ABL1: variants seen among roughly 807,000 people sequenced by gnomAD.
ABL1 encodes the protein tyrosine-protein kinase ABL1.
ABL1 carries 11 observed loss-of-function variants against 94.7 expected under a neutral mutation model. The ratio of observed to expected loss-of-function variants is 0.12; its 90% CI spans 0.07 to 0.19. The LOEUF (loss-of-function observed/expected upper bound fraction) is 0.19, where lower values mean the gene tolerates loss of function less well. Ranked by LOEUF, ABL1 falls within the 10% of genes least tolerant of loss-of-function variation. ABL1 has a pLI of 1.00. For synonymous variants in ABL1, 656 were observed against 622.4 expected (o/e 1.05, Z -0.80); for missense variants, 1,082 against 1,489.4 (o/e 0.73, Z 4.50).
At chr9:130,871,980 T>G in intron 4 of ABL1, 149 bp from the exon 5 acceptor site, 2 of 645,870 alleles carry the variant, frequency 3.1e-6, no homozygotes, top group South Asian at 4.0e-5. Context: ...TCAGCTGTCA[T>G]GGAACCTGTC....
Position 130,866,285 on chromosome 9 carries a change from C to G in ABL1, c.822+3250C>G, listed in dbSNP as rs564744195. ...TCAGCTCTTCTTTTTTAAAATTGAA[C>G]CCAGATTCTTATTTCTCAAATACCA... On this transcript the variant is annotated intron_variant, in intron 4 of 10. Coordinates refer to ENST00000318560, the MANE Select transcript of ABL1 (RefSeq NM_005157.6). Among the ~76,000 whole-genome samples the G allele has an allele frequency of 2.3e-3, 352 of 152,202 alleles. 1 individual carries two copies. The highest frequency in any genetic ancestry group is 0.017 in the Middle Eastern group (5 of 294).
At position 130,885,689 on chromosome 9, in the gene ABL1, G is replaced by T; in HGVS notation, c.*6G>T. 6.2e-7 allele frequency: 1 copy of T among 1,604,512 alleles called. No individual in the cohort carries two copies. The highest frequency in any genetic ancestry group is 8.5e-7 in the Non-Finnish European group (1 of 1,174,586). ...GTGACATAGTGCAGAGGTAGCAGCAGTCAGGGGTCAGGTGTCAGGCCCGTC... is the reference window on the plus strand; with the variant it reads ...GTGACATAGTGCAGAGGTAGCAGCATTCAGGGGTCAGGTGTCAGGCCCGTC... On this transcript the variant is annotated 3_prime_UTR_variant, in exon 11 of 11. Coordinates refer to ENST00000318560, the MANE Select transcript of ABL1 (RefSeq NM_005157.6).
chr9:130,717,863 A>AT (rs1489816303), intron 1 of ABL1, among the ~76,000 whole-genome samples: 2 of 152,048 alleles, frequency 1.3e-5, no homozygotes, highest in Non-Finnish European at 2.9e-5. Context: ...AAAGTAAAAA[A>AT]TTAGCCGGGC....
intron 1 of ABL1, among the ~76,000 whole-genome samples, chr9:130,764,617 T>C (rs961144914): frequency 6.6e-6 from 1 of 152,198 alleles, no homozygotes; most frequent in African/African-American, 2.4e-5. Flanking sequence ...TGTTGTGTTT[T>C]GGGTCCCTGA....
Position 130,874,930 on chromosome 9 carries a change from G to C in ABL1, c.1148G>C (p.Gly383Ala), listed in dbSNP as rs754547923. The C allele has an allele frequency of 6.2e-7, 1 of 1,614,150 alleles. No homozygotes were observed. Among genetic ancestry groups the C allele is most frequent in the Non-Finnish European group, 8.5e-7 (1 of 1,180,034 alleles). Residue 383 changes from glycine (G) to alanine (A), a missense_variant, in exon 7 of 11, where the codon GGC becomes GCC. Gly to Ala is a moderately conservative substitution (Grantham distance 60, BLOSUM62 0). Coordinates refer to ENST00000318560, the MANE Select transcript of ABL1 (RefSeq NM_005157.6). ...CACTTGGTGAAGGTAGCTGATTTTG[G>C]CCTGAGCAGGTTGATGACAGGGGAC... ...ENHLVKVADF[G>A]LSRLMTGDTY...
intron 1 of ABL1, among the ~76,000 whole-genome samples, chr9:130,716,047 T>C (rs1392777504): frequency 3.4e-5 from 5 of 149,172 alleles, no homozygotes; most frequent in African/African-American, 1.2e-4. Flanking sequence ...CACACATATA[T>C]ATCCACTTTT....
intron 1 of ABL1, among the ~76,000 whole-genome samples, chr9:130,735,961 A>ATATATATATATATATATATAT (rs573602038): frequency 1.1e-5 from 1 of 94,886 alleles, no homozygotes; most frequent in African/African-American, 6.4e-5. Context: ...ATATATATAT[A>ATATATATATATATATATATAT]TTTTTTTTTT....
intron 1 of ABL1, among the ~76,000 whole-genome samples, chr9:130,815,744 G>A (rs556813543): frequency 2.0e-5 from 3 of 152,114 alleles, no homozygotes; most frequent in East Asian, 1.9e-4. Flanking sequence ...ACCAGAGGCC[G>A]GGTGCAGTGG....
chr9:130,848,257 T>C (rs1821927423), intron 1 of ABL1, among the ~76,000 whole-genome samples: 1 of 151,310 alleles, frequency 6.6e-6, no homozygotes, highest in Non-Finnish European at 1.5e-5. Context: ...TCCCAGCACT[T>C]TGGGAGGCTG....
At chr9:130,794,860 A>G (rs1829953999) in intron 1 of ABL1, among the ~76,000 whole-genome samples, 1 of 152,208 alleles carries the variant, frequency 6.6e-6, no homozygotes, top group African/African-American at 2.4e-5. Context: ...CTTTTTAGAC[A>G]TGACAAAAGT....
chr9:130,842,654 C>T (rs1308553803), intron 1 of ABL1, among the ~76,000 whole-genome samples: 1 of 152,204 alleles, frequency 6.6e-6, no homozygotes, highest in Non-Finnish European at 1.5e-5. Flanking sequence ...CCTCTGGTGT[C>T]AGCTGACCCC....
intron 1 of ABL1, among the ~76,000 whole-genome samples, chr9:130,800,780 T>C (rs180923280): frequency 2.0e-5 from 3 of 152,318 alleles, no homozygotes; most frequent in Admixed American, 1.3e-4. Context: ...TCACAATTTA[T>C]CCATTTTACT....
At chr9:130,734,706 GA>G (rs1249350751) in intron 1 of ABL1, among the ~76,000 whole-genome samples, 2 of 151,798 alleles carry the variant, frequency 1.3e-5, no homozygotes, top group Non-Finnish European at 2.9e-5. Context: ...ATTTTTAGTA[GA>G]GACAGAGTTT....
At position 130,744,527 on chromosome 9, in the gene ABL1, G is replaced by A. The variant is rs370378688; in HGVS notation, c.136+30072G>A. On this transcript the variant is annotated intron_variant, in intron 1 of 10. Transcript: ENST00000372348. ...TTTGAGTAATAGTTTGCTTTTATAAGCCAGAATTTGTTCTACACATAGAAG... is the reference window on the plus strand; with the variant it reads ...TTTGAGTAATAGTTTGCTTTTATAAACCAGAATTTGTTCTACACATAGAAG... Among the ~76,000 whole-genome samples, 49 of 151,318 alleles carry A rather than the reference G, an allele frequency of 3.2e-4. 1 individual carries two copies. Among genetic ancestry groups the A allele is most frequent in the African/African-American group, 1.2e-3 (49 of 41,332 alleles).
chr9:130,737,213 C>T (rs1378844546), intron 1 of ABL1, among the ~76,000 whole-genome samples: 1 of 152,002 alleles, frequency 6.6e-6, no homozygotes, highest in African/African-American at 2.4e-5. Flanking sequence ...GGTGTGCAGG[C>T]ATCTTCTTTT....
chr9:130,869,823 T>C (rs1010563685), intron 4 of ABL1, among the ~76,000 whole-genome samples: 4 of 152,098 alleles, frequency 2.6e-5, no homozygotes, highest in Admixed American at 2.6e-4. Flanking sequence ...TTTGTTGTTG[T>C]TGTTTTGGTT....
intron 1 of ABL1, among the ~76,000 whole-genome samples, chr9:130,744,235 C>T (rs553185716): frequency 4.6e-5 from 7 of 151,904 alleles, no homozygotes; most frequent in African/African-American, 1.2e-4. Context: ...CTCTGCCTCC[C>T]GGGTTCAAGA....
Position 130,841,539 on chromosome 9 carries a change from C to T in ABL1, c.79+6014C>T, listed in dbSNP as rs191196178. ...TAGAAATTGGTTTTCAGGCCGGGCG[C>T]GGTGGCTGACGCCTGTAATCCCAGC... On this transcript the variant is annotated intron_variant, in intron 1 of 10. Transcript: ENST00000318560. Among the ~76,000 whole-genome samples the T allele has an allele frequency of 3.1e-3, 466 of 149,178 alleles. 3 individuals are homozygous for T. The highest frequency in any genetic ancestry group is 0.011 in the African/African-American group (449 of 40,870).
chr9:130,829,309 G>A (rs1051812505), intron 1 of ABL1, among the ~76,000 whole-genome samples: 11 of 151,956 alleles, frequency 7.2e-5, no homozygotes, highest in Non-Finnish European at 1.0e-4. Context: ...ACCTGTAATC[G>A]CAGCACTTTG....
Sources: allele counts gnomAD v4.1 joint callset (sites outside exome capture counted in the v4.1 genomes callset), GRCh38; gene constraint gnomAD v4.1.1; transcripts MANE v1.5; gene names NCBI Gene and HGNC (gene_info 2026-07-23, HGNC 2026-07-21).